The following STX8 variants were observed in gnomAD, a reference collection of about 807,000 sequenced individuals.
STX8 encodes syntaxin-8.
A neutral mutation model predicts 37.5 loss-of-function variants in STX8; 23 were observed. The observed-to-expected ratio is 0.61, with a 90% CI of 0.44 to 0.87. STX8 has a LOEUF of 0.87. Among genes scored for constraint, STX8 ranks in the 40% least tolerant of loss-of-function variants. The pLI, the probability that STX8 is intolerant of heterozygous loss-of-function variation, is 0.00. For synonymous variants in STX8, 115 were observed against 99.1 expected, an observed-to-expected ratio of 1.16 and a Z score of -0.95; for missense variants, 313 against 284.7, an observed-to-expected ratio of 1.10 and a Z score of -0.71.
At chr17:9,424,275 C>T (rs543645627) in intron 6 of STX8, among the ~76,000 whole-genome samples, 31 of 152,168 alleles carry the variant, frequency 2.0e-4, no homozygotes, top group South Asian at 8.3e-4. Context: ...TGGGAACTGA[C>T]GCATTCCTCG....
chr17:9,376,756 G>A (rs7213209), intron 7 of STX8, among the ~76,000 whole-genome samples: 12 of 152,002 alleles, frequency 7.9e-5, no homozygotes, highest in South Asian at 4.2e-4. Flanking sequence ...TCTGAACATC[G>A]GAAGGAACAA....
At chr17:9,521,478 G>C (rs562627926) in intron 4 of STX8, among the ~76,000 whole-genome samples, 1 of 152,270 alleles carries the variant, frequency 6.6e-6, no homozygotes, top group East Asian at 1.9e-4. Context: ...AGTTAAACTG[G>C]TCCTTCAAGA....
chr17:9,260,191 T>C (rs1906956856), intron 7 of STX8, among the ~76,000 whole-genome samples: 1 of 152,104 alleles, frequency 6.6e-6, no homozygotes, highest in Non-Finnish European at 1.5e-5. Context: ...GCTGTGGTGA[T>C]GTGTGGCTGT....
chr17:9,281,997 G>A (rs1907903368), intron 7 of STX8, among the ~76,000 whole-genome samples: 1 of 152,104 alleles, frequency 6.6e-6, no homozygotes, highest in Non-Finnish European at 1.5e-5. Context: ...GCCCTCCTGG[G>A]GCCTTCTCCC....
chr17:9,415,016 C>T (rs1913134954), intron 6 of STX8, among the ~76,000 whole-genome samples: 1 of 151,914 alleles, frequency 6.6e-6, no homozygotes, highest in African/African-American at 2.4e-5. Context: ...GTCTTGAACT[C>T]CTGACCTCAG....
chr17:9,396,981 C>G (rs1020411587), intron 6 of STX8, among the ~76,000 whole-genome samples: 2 of 152,182 alleles, frequency 1.3e-5, no homozygotes, highest in African/African-American at 2.4e-5. Context: ...TGAGTGGCAT[C>G]TATAAGACTA....
chr17:9,359,730 G>C (rs1028349181), intron 7 of STX8, among the ~76,000 whole-genome samples: 1 of 152,018 alleles, frequency 6.6e-6, no homozygotes, highest in East Asian at 1.9e-4. Flanking sequence ...GGATGGTCTC[G>C]ATCTCCTGAG....
At chr17:9,412,531 G>A (rs1382080626) in intron 6 of STX8, among the ~76,000 whole-genome samples, 3 of 152,042 alleles carry the variant, frequency 2.0e-5, no homozygotes, top group Non-Finnish European at 4.4e-5. Flanking sequence ...CGCCCATCTC[G>A]GCCTCCCAAA....
At chr17:9,446,601 G>C (rs1233754883) in intron 6 of STX8, among the ~76,000 whole-genome samples, 2 of 152,150 alleles carry the variant, frequency 1.3e-5, no homozygotes, top group African/African-American at 4.8e-5. Context: ...AGATAGAAAG[G>C]AATAAATAAG....
chr17:9,570,511 C>T (rs1030897392), intron 1 of STX8, among the ~76,000 whole-genome samples: 2 of 151,542 alleles, frequency 1.3e-5, no homozygotes, highest in South Asian at 2.1e-4. Flanking sequence ...ACTATATATT[C>T]GTATATGTCA....
At chr17:9,445,840 C>CTTT (rs59109965) in intron 6 of STX8, among the ~76,000 whole-genome samples, 15 of 130,548 alleles carry the variant, frequency 1.1e-4, no homozygotes, top group African/African-American at 2.3e-4. Context: ...CTTTTTTTCT[C>CTTT]TTTTTTTTTT....
chr17:9,448,932 A>T (rs965639703), intron 6 of STX8, among the ~76,000 whole-genome samples: 27 of 152,194 alleles, frequency 1.8e-4, no homozygotes, highest in Admixed American at 7.2e-4. Context: ...TTATTAAAAA[A>T]ATATATATTA....
chr17:9,381,322 C>T (rs1911810939), intron 6 of STX8, among the ~76,000 whole-genome samples: 2 of 151,704 alleles, frequency 1.3e-5, no homozygotes, highest in Admixed American at 6.6e-5. Context: ...CTGTTCAATA[C>T]CAGTCACCAT....
At chr17:9,386,076 T>G (rs1054029728) in intron 6 of STX8, among the ~76,000 whole-genome samples, 3 of 141,546 alleles carry the variant, frequency 2.1e-5, no homozygotes, top group African/African-American at 7.8e-5. Flanking sequence ...CCTAGGTATT[T>G]ACCAAACGGA....
At chr17:9,293,031 C>A (rs1908372518) in intron 7 of STX8, among the ~76,000 whole-genome samples, 2 of 152,150 alleles carry the variant, frequency 1.3e-5, no homozygotes, top group African/African-American at 2.4e-5. Flanking sequence ...GTTGGTTAAG[C>A]AAATTTAAAT....
intron 5 of STX8, 69 bp from the exon 6 acceptor site, chr17:9,491,990 C>T: frequency 3.7e-6 from 4 of 1,089,804 alleles, no homozygotes; most frequent in Non-Finnish European, 5.3e-6. Flanking sequence ...TAAGTATACC[C>T]AGGCATATAA....
At chr17:9,313,216 G>A (rs1445283703) in intron 7 of STX8, among the ~76,000 whole-genome samples, 1 of 152,038 alleles carries the variant, frequency 6.6e-6, no homozygotes, top group African/African-American at 2.4e-5. Flanking sequence ...ATAAAAATAA[G>A]AGGTCACTGT....
intron 6 of STX8, among the ~76,000 whole-genome samples, chr17:9,434,186 GT>G (rs1904342868): frequency 6.6e-6 from 1 of 152,084 alleles, no homozygotes; most frequent in African/African-American, 2.4e-5. Flanking sequence ...TGTATTTTTA[GT>G]ACAGACAGGG....
At chr17:9,327,157 CAAA>C (rs1248061676) in intron 7 of STX8, among the ~76,000 whole-genome samples, 1 of 81,022 alleles carries the variant, frequency 1.2e-5, no homozygotes. Flanking sequence ...AACTCTGTCT[CAAA>C]AAAAAAAAAA....
Sources: gnomAD v4.1 joint callset for allele counts (sites outside exome capture counted in the v4.1 genomes callset) on GRCh38, gnomAD v4.1.1 for gene constraint, MANE v1.5 for transcripts, NCBI Gene and HGNC (gene_info 2026-07-23, HGNC 2026-07-21) for gene names.